Variants in GLRA2 observed in about 807,000 individuals in gnomAD.
The protein encoded by GLRA2 is glycine receptor subunit alpha-2.
GLRA2 carries 11 observed loss-of-function variants against 31.6 expected under a neutral mutation model. The ratio of observed to expected loss-of-function variants is 0.35; its 90% CI spans 0.22 to 0.58. The LOEUF (loss-of-function observed/expected upper bound fraction) is 0.58, where lower values mean the gene tolerates loss of function less well. Among genes scored for constraint, GLRA2 ranks in the 20% least tolerant of loss-of-function variants. GLRA2 has a pLI of 0.84. For synonymous variants in GLRA2, 132 were observed against 134.0 expected (o/e 0.99, Z 0.10); for missense variants, 212 against 351.8 (o/e 0.60, Z 3.18).
intron 7 of GLRA2, among the ~76,000 whole-genome samples, chrX:14,630,971 CATCAAGCCCCTTT>C (rs1268570022): frequency 1.6e-4 from 18 of 110,295 alleles, no homozygotes; most frequent in Admixed American, 9.7e-5. Context: ...GAACTCCTTC[CATCAAGCCCCTTT>C]ATAAGGGCAC....
chrX:14,516,030 C>T, the GLRA2 span, among the ~76,000 whole-genome samples: 6 of 112,020 alleles, frequency 5.4e-5, no homozygotes, highest in South Asian at 1.5e-3. Flanking sequence ...CACAAACCTA[C>T]ATGATGTTTT....
chrX:14,554,942 A>G (rs900305922), intron 2 of GLRA2, among the ~76,000 whole-genome samples: 1 of 112,207 alleles, frequency 8.9e-6, no homozygotes, highest in African/African-American at 3.2e-5. Context: ...TCAGAGTCTG[A>G]TAACACTGAA....
At chrX:14,600,681 T>C (rs941685011) in intron 4 of GLRA2, among the ~76,000 whole-genome samples, 4 of 110,875 alleles carry the variant, frequency 3.6e-5, no homozygotes, top group Non-Finnish European at 7.6e-5. Context: ...TATTTTTTTA[T>C]GGTAAGAACA....
chrX:14,590,801 G>A (rs2090137497), intron 4 of GLRA2, among the ~76,000 whole-genome samples: 1 of 112,238 alleles, frequency 8.9e-6, no homozygotes, highest in Admixed American at 9.5e-5. Context: ...AGTAATTAAT[G>A]TCTGTAACAT....
intron 8 of GLRA2, 44 bp from the exon 9 acceptor site, chrX:14,730,163 T>A (rs751619321): frequency 1.9e-6 from 2 of 1,041,589 alleles, no homozygotes; most frequent in South Asian, 4.0e-5. Context: ...CCATCTAACT[T>A]GACTGACAAC....
chrX:14,710,085 A>G (rs1352446201), intron 8 of GLRA2, among the ~76,000 whole-genome samples: 3 of 111,698 alleles, frequency 2.7e-5, no homozygotes. Context: ...CACTTCTCCA[A>G]GTCACACCTG....
chrX:14,485,199 G>A, the GLRA2 span, among the ~76,000 whole-genome samples: 3 of 112,043 alleles, frequency 2.7e-5, no homozygotes, highest in African/African-American at 9.7e-5. Flanking sequence ...ATCATCACTT[G>A]AGTGTGAGGT....
At chrX:14,633,497 AAACAAC>A (rs374182136) in intron 7 of GLRA2, among the ~76,000 whole-genome samples, 1 of 111,456 alleles carries the variant, frequency 9.0e-6, no homozygotes, top group Non-Finnish European at 1.9e-5. Flanking sequence ...TGTATCTCTA[AAACAAC>A]AACAACAACA....
intron 8 of GLRA2, among the ~76,000 whole-genome samples, chrX:14,703,226 A>G (rs2091571663): frequency 8.9e-6 from 1 of 111,887 alleles, no homozygotes; most frequent in African/African-American, 3.2e-5. Context: ...AACCAAGGGG[A>G]CAATACTCAG....
intron 8 of GLRA2, among the ~76,000 whole-genome samples, chrX:14,725,648 T>C (rs1306715569): frequency 8.9e-6 from 1 of 112,447 alleles, no homozygotes; most frequent in Admixed American, 9.5e-5. Context: ...TCTTTAATTA[T>C]ATTGAAATCA....
chrX:14,653,838 T>C (rs1296193954), intron 7 of GLRA2, among the ~76,000 whole-genome samples: 1 of 112,177 alleles, frequency 8.9e-6, no homozygotes, highest in Non-Finnish European at 1.9e-5. Context: ...TTTAAAGAAA[T>C]TGCCAGCTGG....
intron 8 of GLRA2, among the ~76,000 whole-genome samples, chrX:14,728,482 G>A (rs191986905): frequency 2.7e-5 from 3 of 112,140 alleles, no homozygotes; most frequent in African/African-American, 9.7e-5. Flanking sequence ...TCAAGCAAAT[G>A]AGGTTTCTGT....
chrX:14,493,951 A>T, the GLRA2 span, among the ~76,000 whole-genome samples: 1 of 109,800 alleles, frequency 9.1e-6, no homozygotes, highest in African/African-American at 3.3e-5. Flanking sequence ...CAATAATAGG[A>T]TGTATAAATA....
At chrX:14,631,271 T>A (rs756319571) in intron 7 of GLRA2, among the ~76,000 whole-genome samples, 1 of 111,649 alleles carries the variant, frequency 9.0e-6, no homozygotes, top group Non-Finnish European at 1.9e-5. Flanking sequence ...GTCTTCCATG[T>A]CTCTTGTTAA....
intron 7 of GLRA2, among the ~76,000 whole-genome samples, chrX:14,682,588 A>G (rs1480177231): frequency 1.8e-5 from 2 of 110,457 alleles, no homozygotes; most frequent in African/African-American, 6.6e-5. Context: ...TCTAGGGTAC[A>G]TGTGCACAAC....
intron 7 of GLRA2, among the ~76,000 whole-genome samples, chrX:14,655,758 G>A (rs927636923): frequency 2.0e-5 from 2 of 100,173 alleles, no homozygotes; most frequent in Non-Finnish European, 4.2e-5. Context: ...GCACTTGTGA[G>A]CTATGCTTCC....
intron 2 of GLRA2, among the ~76,000 whole-genome samples, chrX:14,533,248 A>G (rs2089281334): frequency 9.1e-6 from 1 of 110,232 alleles, no homozygotes; most frequent in African/African-American, 3.3e-5. Flanking sequence ...AGAAACCTAT[A>G]ATGTTCTGGA....
intron 7 of GLRA2, among the ~76,000 whole-genome samples, chrX:14,667,200 T>G (rs2091045805): frequency 8.9e-6 from 1 of 112,642 alleles, no homozygotes; most frequent in Admixed American, 9.4e-5. Flanking sequence ...ATATGAATTA[T>G]CCAGTTTTAC....
At chrX:14,701,203 C>G (rs1011101032) in intron 8 of GLRA2, among the ~76,000 whole-genome samples, 1 of 110,789 alleles carries the variant, frequency 9.0e-6, no homozygotes, top group African/African-American at 3.3e-5. Context: ...CAGGAACCCA[C>G]AGAAGTTTTC....
Sources: gnomAD v4.1 joint callset for allele counts (sites outside exome capture counted in the v4.1 genomes callset) on GRCh38, gnomAD v4.1.1 for gene constraint, MANE v1.5 for transcripts, NCBI Gene and HGNC (gene_info 2026-07-23, HGNC 2026-07-21) for gene names.